Variants in TET1 observed in about 807,000 individuals in gnomAD.
The protein encoded by TET1 is methylcytosine dioxygenase TET1.
A neutral mutation model predicts 148.7 loss-of-function variants in TET1; 13 were observed. That is an observed-to-expected ratio of 0.09 (90% CI 0.06 to 0.14). The LOEUF (loss-of-function observed/expected upper bound fraction) is 0.14, where lower values mean the gene tolerates loss of function less well. Ranked by LOEUF, TET1 falls within the 10% of genes least tolerant of loss-of-function variation. The pLI, the probability that TET1 is intolerant of heterozygous loss-of-function variation, is 1.00. For synonymous variants in TET1, 907 were observed against 937.2 expected, an observed-to-expected ratio of 0.97 and a Z score of 0.59; for missense variants, 2,182 against 2,553.8, an observed-to-expected ratio of 0.85 and a Z score of 3.14.
chr10:68,676,400 C>T (rs915600841), intron 8 of TET1, among the ~76,000 whole-genome samples: 7 of 149,716 alleles, frequency 4.7e-5, no homozygotes, highest in East Asian at 2.0e-4. Flanking sequence ...TCTCCTGCCT[C>T]AGCCTCCCAA....
chr10:68,577,047 T>C (rs2053739936), intron 2 of TET1, among the ~76,000 whole-genome samples: 1 of 152,166 alleles, frequency 6.6e-6, no homozygotes. Context: ...TAGCTGTGAC[T>C]ACAGGTGCCC....
rs148244057 is a variant in TET1 at position 68,678,428 on chromosome 10, A to T, written c.4825-2971A>T. ...GTGGTAAGTATAGCTGTGGATGAGG[A>T]TATGATGGTCCTAGAGATTAGATAC... On this transcript the variant is annotated intron_variant, in intron 8 of 11. Coordinates refer to ENST00000373644, the MANE Select transcript of TET1 (RefSeq NM_030625.3). Among the ~76,000 whole-genome samples, 581 of 152,278 alleles carry T rather than the reference A, an allele frequency of 3.8e-3. 2 individuals carry two copies. The highest frequency in any genetic ancestry group is 0.013 in the African/African-American group (548 of 41,558).
intron 2 of TET1, among the ~76,000 whole-genome samples, chr10:68,595,570 A>C (rs1465088778): frequency 6.7e-6 from 1 of 148,502 alleles, no homozygotes; most frequent in Non-Finnish European, 1.5e-5. Flanking sequence ...AATTATTCAT[A>C]ATTTTAATCC....
intron 1 of TET1, among the ~76,000 whole-genome samples, chr10:68,571,147 C>T (rs957459089): frequency 2.0e-5 from 3 of 150,474 alleles, no homozygotes; most frequent in African/African-American, 7.3e-5. Context: ...CCTGCCACCA[C>T]GTCTGGCTAA....
In TET1 at chr10:68,645,379, A is replaced by G. The variant is rs1271483060; in HGVS notation, c.2650A>G (p.Arg884Gly). 1 of 1,614,166 alleles carries G rather than the reference A, an allele frequency of 6.2e-7. No homozygotes were observed. The highest frequency in any genetic ancestry group is 8.5e-7 in the Non-Finnish European group (1 of 1,180,052). ...QPSLLSLMKD[R>G]RLTLEQVVAI... The stretch of plus-strand genomic sequence containing the variant: ...AAGTCTCTTATCGTTAATGAAAGAT[A>G]GGAGATTAACATTGGAGCAAGTGGT... Residue 884 changes from arginine to glycine, a missense_variant, in exon 4 of 12, where the codon AGG becomes GGG. This residue lies in a region of TET1 where 582 missense variants were observed against 599.5 expected (regional missense o/e 0.97). Coordinates refer to ENST00000373644, the MANE Select transcript of TET1 (RefSeq NM_030625.3).
rs777257116 is a variant in TET1 at position 68,646,596 on chromosome 10, G to T, written c.3867G>T (p.Thr1289=). 10 of 1,614,042 alleles carry T rather than the reference G, an allele frequency of 6.2e-6. No homozygotes were observed. Among genetic ancestry groups the T allele is most frequent in the South Asian group, 1.1e-5 (1 of 91,076 alleles). Residue 1289 remains threonine (T), a synonymous_variant, in exon 4 of 12, where the codon ACG becomes ACT. Coordinates refer to ENST00000373644, the MANE Select transcript of TET1 (RefSeq NM_030625.3). The part of the protein sequence containing the change: ...DKAYNSQVQL[T]VNANQKAHPL... ...CTTATAATTCTCAGGTACAGTTAAC[G>T]GTGAATGCCAATCAGAAAGCCCATC...
intron 6 of TET1, among the ~76,000 whole-genome samples, chr10:68,655,116 T>C (rs1342317567): frequency 6.6e-6 from 1 of 151,832 alleles, no homozygotes; most frequent in African/African-American, 2.4e-5. Context: ...TGTGAATCCA[T>C]AGCCAGCCAC....
chr10:68,665,976 T>C (rs1393486138), intron 6 of TET1, among the ~76,000 whole-genome samples: 1 of 152,188 alleles, frequency 6.6e-6, no homozygotes, highest in Non-Finnish European at 1.5e-5. Context: ...GGTTGCTCCA[T>C]TCTGGTCACA....
intron 6 of TET1, among the ~76,000 whole-genome samples, chr10:68,655,407 AGTT>A (rs1401801697): frequency 6.6e-6 from 1 of 152,174 alleles, no homozygotes; most frequent in Non-Finnish European, 1.5e-5. Context: ...TGGCGCTGAT[AGTT>A]GTTACCAATT....
chr10:68,593,948 C>CA (rs1455537802), intron 2 of TET1, among the ~76,000 whole-genome samples: 1 of 28,824 alleles, frequency 3.5e-5, no homozygotes, highest in African/African-American at 8.1e-5. Context: ...TTTTTTGAGA[C>CA]AGAGTCTCTC....
chr10:68,627,043 C>T (rs372777030), intron 3 of TET1, among the ~76,000 whole-genome samples: 3 of 151,924 alleles, frequency 2.0e-5, no homozygotes, highest in African/African-American at 2.4e-5. Flanking sequence ...GAGGCCGAGG[C>T]GGTGGATCAC....
chr10:68,635,160 A>C (rs1441609902), intron 3 of TET1, among the ~76,000 whole-genome samples: 1 of 151,636 alleles, frequency 6.6e-6, no homozygotes, highest in African/African-American at 2.4e-5. Context: ...TGAGACTGGA[A>C]TTACTAGGTT....
intron 2 of TET1, among the ~76,000 whole-genome samples, chr10:68,596,745 T>C (rs2053993335): frequency 6.6e-6 from 1 of 152,202 alleles, no homozygotes; most frequent in Admixed American, 6.6e-5. Flanking sequence ...TTGGAGTTAA[T>C]GTTAGTTCTG....
At chr10:68,581,686 T>C (rs1301778627) in intron 2 of TET1, among the ~76,000 whole-genome samples, 1 of 151,736 alleles carries the variant, frequency 6.6e-6, no homozygotes, top group Non-Finnish European at 1.5e-5. Context: ...TCCAAAAAAA[T>C]ACAAAAATAT....
intron 2 of TET1, among the ~76,000 whole-genome samples, chr10:68,590,763 C>T (rs1337949646): frequency 6.6e-6 from 1 of 151,962 alleles, no homozygotes; most frequent in Non-Finnish European, 1.5e-5. Flanking sequence ...GTGTACACCA[C>T]CCTGGGTGAC....
At chr10:68,622,990 A>G (rs1204404237) in intron 3 of TET1, among the ~76,000 whole-genome samples, 1 of 152,160 alleles carries the variant, frequency 6.6e-6, no homozygotes, top group Non-Finnish European at 1.5e-5. Context: ...AGAAAATCAC[A>G]TTATCTGGGT....
chr10:68,647,903 A>C (rs1265181042), intron 4 of TET1, among the ~76,000 whole-genome samples: 1 of 152,220 alleles, frequency 6.6e-6, no homozygotes. Context: ...AGCACTTGAT[A>C]TTCTGGAATA....
In TET1 at chr10:68,691,314, T is replaced by C. The variant is rs1357706200; in HGVS notation, c.5911T>C (p.Ser1971Pro). The C allele has an allele frequency of 6.2e-6, 10 of 1,614,164 alleles. No individual in the cohort carries two copies. Among genetic ancestry groups the C allele is most frequent in the Non-Finnish European group, 8.5e-6 (10 of 1,180,030 alleles). ...GCATTCTGAAGCAGATGAGCCTCCA[T>C]CAGACGAACCCCTATCTGATGACCC... ...EQHSEADEPP[S>P]DEPLSDDPLS... The change falls in exon 12 of 12, where the codon TCA becomes CCA. Residue 1971 changes from serine to proline, a missense_variant. Ser to Pro is a moderately conservative substitution (Grantham distance 74). Coordinates refer to ENST00000373644, the MANE Select transcript of TET1 (RefSeq NM_030625.3). The surrounding 1 kb of genome is among the most constrained non-coding windows in gnomAD (Gnocchi z 4.4).
rs527239102 is a variant in TET1, at chr10:68,571,449, G to A, written c.-122-768G>A. On this transcript the variant is annotated intron_variant, in intron 1 of 11. Coordinates refer to ENST00000373644, the MANE Select transcript of TET1 (RefSeq NM_030625.3). ...CTCCTGAGTAGTTGAGATTATAGGT[G>A]TGCACCACCACACTCAGCTAATTTT... is the stretch of plus-strand genomic sequence containing the variant. Among the ~76,000 whole-genome samples the A allele has an allele frequency of 2.0e-5, 3 of 150,648 alleles. No homozygotes were observed. The East Asian group carries it at 5.8e-4, about 29-fold the overall frequency.
Sources: gnomAD v4.1 joint callset for allele counts (sites outside exome capture counted in the v4.1 genomes callset) on GRCh38, gnomAD v4.1.1 for gene constraint, gnomAD v4.1.1 regional missense constraint, Gnocchi (gnomAD v3.1) non-coding constraint, MANE v1.5 for transcripts, NCBI Gene and HGNC (gene_info 2026-07-23, HGNC 2026-07-21) for gene names.